ZNF91: variants seen among roughly 807,000 people sequenced by gnomAD.
The protein encoded by ZNF91 is zinc finger protein 91 (HPF7, HTF10).
In ZNF91, 7 loss-of-function variants were observed where a neutral mutation model predicts 12.6. The ratio of observed to expected loss-of-function variants is 0.55; its 90% CI spans 0.31 to 1.04. ZNF91 has a LOEUF of 1.04. ZNF91 is among the 50% of genes least tolerant of loss of function. The pLI, the probability that ZNF91 is intolerant of heterozygous loss-of-function variation, is 0.05. For missense variants in ZNF91, 1,217 were observed against 1,385.4 expected (o/e 0.88, Z 1.93); for synonymous variants, 453 against 462.6 (o/e 0.98, Z 0.27).
chr19:23,354,263 C>A (rs1194949394), downstream of ZNF91, among the ~76,000 whole-genome samples: 1 of 152,058 alleles, frequency 6.6e-6, no homozygotes, highest in Non-Finnish European at 1.5e-5. Context: ...AAAAGATAAT[C>A]CACCATGATC....
At chr19:23,352,763 A>G (rs1429652637), downstream of ZNF91, among the ~76,000 whole-genome samples, 1 of 152,204 alleles carries the variant, frequency 6.6e-6, no homozygotes, top group African/African-American at 2.4e-5. Flanking sequence ...GGGTGGAAAA[A>G]GGCATTTCAT....
intron 1 of ZNF91, among the ~76,000 whole-genome samples, chr19:23,376,949 T>A (rs1969524795): frequency 6.6e-6 from 1 of 152,186 alleles, no homozygotes; most frequent in South Asian, 2.1e-4. Flanking sequence ...TTTGAGCACA[T>A]GTTTACCTAT....
chr19:23,309,779 G>T (rs781673848), intron 1 of ZNF91, among the ~76,000 whole-genome samples: 2 of 152,120 alleles, frequency 1.3e-5, no homozygotes, highest in Non-Finnish European at 2.9e-5. Flanking sequence ...GTTATAAAAG[G>T]TTACCACTCT....
downstream of ZNF91, among the ~76,000 whole-genome samples, chr19:23,354,215 C>G (rs1297290652): frequency 6.6e-6 from 1 of 152,030 alleles, no homozygotes; most frequent in Non-Finnish European, 1.5e-5. Flanking sequence ...CTAACAATAT[C>G]CAAAAACATG....
chr19:23,312,042 A>T (rs1187621052), upstream of ZNF91, among the ~76,000 whole-genome samples: 14 of 152,120 alleles, frequency 9.2e-5, no homozygotes, highest in African/African-American at 4.8e-5. Context: ...CTGCTGCCTT[A>T]GTCCTGCTTT....
chr19:23,362,067 G>C lies in ZNF91; in HGVS notation c.912C>G (p.Ser304Arg). The C allele has an allele frequency of 6.2e-7, 1 of 1,605,348 alleles. No individual in the cohort carries two copies. Among genetic ancestry groups the C allele is most frequent in the South Asian group, 1.1e-5 (1 of 90,700 alleles). ...TATGTTTAGCAAGGGTTGAAGAATG[G>C]CTAAAAGCTTTGCCACATTCTTCAC... The part of the protein sequence containing the change: ...YKCEECGKAF[S>R]HSSTLAKHKR... The change falls in exon 4 of 4, where the codon AGC becomes AGG. Residue 304 changes from serine to arginine, a missense_variant. By Grantham distance (110) the Ser-to-Arg change is moderately radical (BLOSUM62 -1). This residue lies in a region of ZNF91 where 726 missense variants were observed against 895.5 expected (regional missense o/e 0.81). Coordinates refer to ENST00000300619, the MANE Select transcript of ZNF91 (RefSeq NM_003430.4).
At chr19:23,312,272 G>A (rs1967483718), upstream of ZNF91, among the ~76,000 whole-genome samples, 2 of 152,018 alleles carry the variant, frequency 1.3e-5, no homozygotes, top group South Asian at 4.2e-4. Context: ...CCCAATTGTG[G>A]GACTGTCATA....
At position 23,359,395 on chromosome 19, in the gene ZNF91, T is replaced by C; in HGVS notation, c.*8A>G. Reference sequence around the variant, plus strand: ...CCGCCACCACGCCCGGCTAATTTTTTGTATTTTTTAGTAGAGAAGGGGTTT... The same window carrying C: ...CCGCCACCACGCCCGGCTAATTTTTCGTATTTTTTAGTAGAGAAGGGGTTT... On this transcript the variant is annotated 3_prime_UTR_variant, in exon 4 of 4. Transcript: ENST00000300619. 4.1e-6 allele frequency: 4 copies of C among 983,318 alleles called. No homozygotes were observed. The highest frequency in any genetic ancestry group is 6.1e-6 in the Non-Finnish European group (4 of 658,522). 60.9% of individuals were successfully genotyped at this position (983,318 alleles called of 1,614,324 possible).
rs547347081 is a variant in ZNF91 at position 23,362,740 on chromosome 19, C to G, written c.254-15G>C. On this transcript the variant is annotated splice_polypyrimidine_tract_variant and intron_variant, in intron 3 of 3. Transcript: ENST00000300619. Reference sequence around the variant, plus strand: ...AGGACATATACCTGAAAAAAAAAAACTAAAAATAATAAATTACTCCACTCA... The same window carrying G: ...AGGACATATACCTGAAAAAAAAAAAGTAAAAATAATAAATTACTCCACTCA... 7 of 1,393,324 alleles carry G rather than the reference C, an allele frequency of 5.0e-6. No individual in the cohort carries two copies. In the African/African-American group the frequency reaches 1.0e-4, roughly 21 times the overall value. The allele number at this position is 1,393,324 out of a possible 1,614,324, so 86.3% of individuals were successfully genotyped here.
intron 1 of ZNF91, among the ~76,000 whole-genome samples, chr19:23,376,107 G>A (rs1969496228): frequency 6.6e-6 from 1 of 151,984 alleles, no homozygotes; most frequent in African/African-American, 2.4e-5. Flanking sequence ...GTTTAAATGA[G>A]CACTTTCTTA....
At chr19:23,310,672 G>A (rs1246787110), upstream of ZNF91, 2 of 152,200 alleles carry the variant, frequency 1.3e-5, no homozygotes, top group African/African-American at 4.8e-5. Flanking sequence ...CCACAGAAGG[G>A]ATTATGACAT....
At chr19:23,363,869 A>T (rs997645704) in intron 3 of ZNF91, among the ~76,000 whole-genome samples, 18 of 152,176 alleles carry the variant, frequency 1.2e-4, no homozygotes, top group African/African-American at 4.3e-4. Flanking sequence ...AAATATAAAA[A>T]CTGATAGATC....
At chr19:23,313,041 A>G (rs1309608133), upstream of ZNF91, among the ~76,000 whole-genome samples, 1 of 152,244 alleles carries the variant, frequency 6.6e-6, no homozygotes, top group Admixed American at 6.5e-5. Context: ...AGCACACAGG[A>G]AAGATTGTGC....
intron 3 of ZNF91, among the ~76,000 whole-genome samples, chr19:23,363,319 AAAG>A (rs1393637151): frequency 1.3e-5 from 2 of 152,170 alleles, no homozygotes; most frequent in Non-Finnish European, 2.9e-5. Context: ...ATAAGTGTTG[AAAG>A]AAACCGTGGC....
At chr19:23,313,796 C>T (rs1268032663), upstream of ZNF91, among the ~76,000 whole-genome samples, 3 of 152,210 alleles carry the variant, frequency 2.0e-5, no homozygotes, top group Non-Finnish European at 4.4e-5. Context: ...GAATCTCAGA[C>T]TATGATTCCA....
At chr19:23,352,568 G>T (rs1968394346) in intron 3 of ZNF91, among the ~76,000 whole-genome samples, 1 of 152,010 alleles carries the variant, frequency 6.6e-6, no homozygotes, top group Admixed American at 6.6e-5. Context: ...ACCAAACTAT[G>T]CAGGCAACAA....
In ZNF91 at chr19:23,373,847, T is replaced by C. The variant is rs2145096971; in HGVS notation, c.158-10A>G. On this transcript the variant is annotated splice_polypyrimidine_tract_variant and intron_variant, in intron 2 of 3. Coordinates refer to ENST00000300619, the MANE Select transcript of ZNF91 (RefSeq NM_003430.4). ...TTAGAGAGAGCAATACCTGTTTTAT[T>C]AAAAATAACTAACATGAGTCTTGCT... 1 of 1,588,286 alleles carries C rather than the reference T, an allele frequency of 6.3e-7. No individual in the cohort carries two copies. The highest frequency in any genetic ancestry group is 1.4e-5 in the African/African-American group (1 of 73,942).
At chr19:23,388,554 A>C (rs1969952909) in intron 1 of ZNF91, among the ~76,000 whole-genome samples, 1 of 152,104 alleles carries the variant, frequency 6.6e-6, no homozygotes, top group Non-Finnish European at 1.5e-5. Flanking sequence ...AGCAACATGA[A>C]GCTGGAGACC....
chr19:23,349,350 T>C (rs952154670), intron 3 of ZNF91, among the ~76,000 whole-genome samples: 1 of 152,110 alleles, frequency 6.6e-6, no homozygotes, highest in Non-Finnish European at 1.5e-5. Flanking sequence ...TTTCTCTCTT[T>C]ATACTCTTTC....
Sources: allele counts gnomAD v4.1 joint callset (sites outside exome capture counted in the v4.1 genomes callset), GRCh38; gene constraint gnomAD v4.1.1; regional missense constraint gnomAD v4.1.1; transcripts MANE v1.5; gene names NCBI Gene and HGNC (gene_info 2026-07-23, HGNC 2026-07-21).